NEGR1: variants seen among roughly 807,000 people sequenced by gnomAD.
NEGR1 encodes the protein neuronal growth regulator 1.
In NEGR1, 10 loss-of-function variants were observed where a neutral mutation model predicts 40.9. That is an observed-to-expected ratio of 0.24 (90% confidence interval 0.15 to 0.42). The LOEUF (loss-of-function observed/expected upper bound fraction) is 0.42, where lower values mean the gene tolerates loss of function less well. NEGR1 is among the 10% of genes least tolerant of loss of function. The pLI, the probability that NEGR1 is intolerant of heterozygous loss-of-function variation, is 1.00. For synonymous variants in NEGR1, 185 were observed against 166.8 expected (o/e 1.11, Z -0.84); for missense variants, 352 against 438.9 (o/e 0.80, Z 1.77).
chr1:72,225,389 A>G (rs1654158786), intron 1 of NEGR1, among the ~76,000 whole-genome samples: 1 of 151,880 alleles, frequency 6.6e-6, no homozygotes. Context: ...AAAATATAAA[A>G]CAAACTTTTA....
intron 3 of NEGR1, among the ~76,000 whole-genome samples, chr1:71,720,303 C>A (rs887024091): frequency 5.9e-5 from 9 of 152,024 alleles, no homozygotes; most frequent in South Asian, 2.1e-4. Context: ...TTTACACACA[C>A]AAAAAAAGTA....
chr1:71,813,869 A>T (rs1175550606), intron 2 of NEGR1, among the ~76,000 whole-genome samples: 1 of 152,090 alleles, frequency 6.6e-6, no homozygotes, highest in Non-Finnish European at 1.5e-5. Context: ...GCATAATGTC[A>T]TCTGCAAACA....
At chr1:72,232,720 T>A (rs1654410977) in intron 1 of NEGR1, among the ~76,000 whole-genome samples, 1 of 152,162 alleles carries the variant, frequency 6.6e-6, no homozygotes. Context: ...CTCCATTCTG[T>A]TGCCTTGGGC....
In NEGR1 at chr1:71,498,884, G is replaced by A. The variant is rs558749857; in HGVS notation, c.941-91314C>T. Reference sequence around the variant, plus strand: ...TAGTTGTAGGGGTGCCCACTACCCAGCTGCCTGCCAGGTCTCTTGGCTTCC... The same window carrying A: ...TAGTTGTAGGGGTGCCCACTACCCAACTGCCTGCCAGGTCTCTTGGCTTCC... On this transcript the variant is annotated intron_variant, in intron 6 of 6. Transcript: ENST00000357731. Among the ~76,000 whole-genome samples, 3 of 152,246 alleles carry A rather than the reference G, an allele frequency of 2.0e-5. No individual in the cohort carries two copies. In the South Asian group the frequency reaches 6.2e-4, roughly 32 times the overall value.
intron 1 of NEGR1, among the ~76,000 whole-genome samples, chr1:72,276,654 G>A (rs1224323420): frequency 6.6e-6 from 1 of 151,816 alleles, no homozygotes. Flanking sequence ...TATTCTTATG[G>A]TTTAACTTCT....
chr1:71,582,366 T>G (rs576986730), intron 6 of NEGR1, among the ~76,000 whole-genome samples: 1 of 152,182 alleles, frequency 6.6e-6, no homozygotes, highest in Non-Finnish European at 1.5e-5. Context: ...GGATTTGTCA[T>G]AGAATACAAT....
intron 1 of NEGR1, among the ~76,000 whole-genome samples, chr1:72,128,757 CA>C (rs1340870059): frequency 6.6e-6 from 1 of 152,016 alleles, no homozygotes; most frequent in Non-Finnish European, 1.5e-5. Flanking sequence ...TAACATTGCC[CA>C]AATATTTTCG....
At chr1:72,139,849 G>T (rs957720761) in intron 1 of NEGR1, among the ~76,000 whole-genome samples, 1 of 152,022 alleles carries the variant, frequency 6.6e-6, no homozygotes, top group East Asian at 1.9e-4. Context: ...TATATTGCAA[G>T]TTATCTCAAT....
At chr1:71,599,071 T>C (rs1195212166) in intron 5 of NEGR1, among the ~76,000 whole-genome samples, 3 of 152,350 alleles carry the variant, frequency 2.0e-5, no homozygotes, top group Admixed American at 6.5e-5. Flanking sequence ...TATATTTTTG[T>C]AATTCTTAGT....
chr1:71,687,170 C>G (rs961321279), intron 4 of NEGR1, among the ~76,000 whole-genome samples: 1 of 152,146 alleles, frequency 6.6e-6, no homozygotes, highest in Non-Finnish European at 1.5e-5. Flanking sequence ...ATCTAAATTG[C>G]TAACTTAAAC....
intron 6 of NEGR1, among the ~76,000 whole-genome samples, chr1:71,427,352 T>A (rs750534109): frequency 5.3e-5 from 8 of 152,174 alleles, no homozygotes; most frequent in Non-Finnish European, 1.0e-4. Flanking sequence ...TCTGCAGAAG[T>A]AATACTTTGA....
At chr1:71,730,597 T>C (rs1351175718) in intron 3 of NEGR1, among the ~76,000 whole-genome samples, 1 of 100,768 alleles carries the variant, frequency 9.9e-6, no homozygotes, top group Non-Finnish European at 2.2e-5. Flanking sequence ...ATATATAAAT[T>C]TGAAAAGTCT....
At chr1:71,703,614 C>T (rs868187539) in intron 3 of NEGR1, among the ~76,000 whole-genome samples, 4 of 150,988 alleles carry the variant, frequency 2.6e-5, no homozygotes, top group Non-Finnish European at 5.9e-5. Flanking sequence ...AATGACACAA[C>T]GTTATTTACA....
At chr1:71,491,676 C>T (rs1646928683) in intron 6 of NEGR1, among the ~76,000 whole-genome samples, 1 of 151,884 alleles carries the variant, frequency 6.6e-6, no homozygotes, top group East Asian at 1.9e-4. Flanking sequence ...GTGGCCAGCC[C>T]GGCCTCTCCA....
intron 6 of NEGR1, among the ~76,000 whole-genome samples, chr1:71,433,894 C>G (rs924056930): frequency 1.3e-5 from 2 of 152,120 alleles, no homozygotes; most frequent in African/African-American, 4.8e-5. Flanking sequence ...TGTAAACAAA[C>G]AGAAACAATT....
chr1:72,199,663 T>A (rs1334676362), intron 1 of NEGR1, among the ~76,000 whole-genome samples: 1 of 152,034 alleles, frequency 6.6e-6, no homozygotes, highest in Non-Finnish European at 1.5e-5. Context: ...AAAACAAATC[T>A]ATGAAATTGC....
chr1:71,698,277 T>C (rs1653553962), intron 3 of NEGR1, 138 bp from the exon 4 acceptor site: 1 of 742,880 alleles, frequency 1.3e-6, no homozygotes, highest in Non-Finnish European at 2.1e-6. Context: ...AAACCTTTTG[T>C]TCTTCTATGT....
intron 6 of NEGR1, among the ~76,000 whole-genome samples, chr1:71,560,050 C>T (rs1002383200): frequency 6.6e-6 from 1 of 151,188 alleles, no homozygotes; most frequent in Non-Finnish European, 1.5e-5. Context: ...TTGTCAACTA[C>T]ACAGATATTT....
At chr1:71,644,887 CAT>C (rs1557598384) in intron 4 of NEGR1, among the ~76,000 whole-genome samples, 1 of 151,844 alleles carries the variant, frequency 6.6e-6, no homozygotes, top group African/African-American at 2.4e-5. Flanking sequence ...TATCTGTTCA[CAT>C]GTTTATTATA....
Sources: allele counts gnomAD v4.1 joint callset (sites outside exome capture counted in the v4.1 genomes callset), GRCh38; gene constraint gnomAD v4.1.1; transcripts MANE v1.5; gene names NCBI Gene and HGNC (gene_info 2026-07-23, HGNC 2026-07-21).